Variants in CIPC observed in about 807,000 individuals in gnomAD.
The protein encoded by CIPC is CLOCK-interacting pacemaker.
Under a neutral mutation model 26.7 loss-of-function variants are expected in CIPC, and 12 were observed. The ratio of observed to expected loss-of-function variants is 0.45; its 90% CI spans 0.29 to 0.73. The LOEUF (loss-of-function observed/expected upper bound fraction) is 0.73. CIPC is among the 30% of genes least tolerant of loss of function. CIPC has a pLI of 0.12. For synonymous variants in CIPC, 170 were observed against 189.8 expected (o/e 0.90, Z 0.86); for missense variants, 417 against 486.5 (o/e 0.86, Z 1.34).
intron 3 of CIPC, among the ~76,000 whole-genome samples, chr14:77,111,990 G>A (rs1486864401): frequency 2.6e-5 from 4 of 152,098 alleles, no homozygotes; most frequent in Non-Finnish European, 5.9e-5. Flanking sequence ...AGTATATTCC[G>A]GAGTATATTT....
chr14:77,106,525 A>G (rs919568852), intron 2 of CIPC, among the ~76,000 whole-genome samples: 4 of 151,974 alleles, frequency 2.6e-5, no homozygotes, highest in Non-Finnish European at 5.9e-5. Context: ...TCCCGCTCTG[A>G]GGGTAGTGGC....
At position 77,116,723 on chromosome 14, in the gene CIPC, A is replaced by T. The variant is rs530655595; in HGVS notation, c.*2405A>T. On this transcript the variant is annotated 3_prime_UTR_variant, in exon 4 of 4. Transcript: ENST00000361786. ...TGTTCTCTGTTGGAGCTGTAAGCAG[A>T]TGAACCCAAGTAGAGAAGATAGATC... The T allele has an allele frequency of 1.3e-5, 2 of 152,376 alleles. No homozygotes were observed. Among genetic ancestry groups the T allele is most frequent in the South Asian group, 4.1e-4 (2 of 4,830 alleles). The allele number at this position is 152,376 out of a possible 1,614,324, so 9.4% of individuals were successfully genotyped here.
chr14:77,115,245 T>TG lies in CIPC; in HGVS notation c.*927_*928insG, dbSNP rs1886788946. ...AGTTAACTCTGCTGCCATCTTGTTTTTTTTTTTTTTCCTTTATTTTGATAA... is the reference window on the plus strand; with the variant it reads ...AGTTAACTCTGCTGCCATCTTGTTTTGTTTTTTTTTTCCTTTATTTTGATAA... On this transcript the variant is annotated 3_prime_UTR_variant, in exon 4 of 4. Transcript: ENST00000361786. 1 of 147,198 alleles carries TG rather than the reference T, an allele frequency of 6.8e-6. No homozygotes were observed. The highest frequency in any genetic ancestry group is 2.1e-4 in the South Asian group (1 of 4,788). 9.1% of individuals were successfully genotyped at this position (147,198 alleles called of 1,614,324 possible). A position where few individuals can be genotyped will look rare whatever the true frequency, so the allele number is the denominator to read the frequency against.
chr14:77,114,420 C>CT lies in CIPC; in HGVS notation c.*104dup. 7.8e-7 allele frequency: 1 copy of CT among 1,285,306 alleles called. No individual in the cohort carries two copies. Among genetic ancestry groups the CT allele is most frequent in the South Asian group, 1.5e-5 (1 of 68,570 alleles). 79.6% of individuals were successfully genotyped at this position (1,285,306 alleles called of 1,614,324 possible). On this transcript the variant is annotated 3_prime_UTR_variant, in exon 4 of 4. Coordinates refer to ENST00000361786, the MANE Select transcript of CIPC (RefSeq NM_033426.3). ...TTATGTAAGAGCTTTTCCTTCTAAA[C>CT]TTAAACTGTGTTGTGGTTCACTTAG...
At chr14:77,109,674 G>T in intron 2 of CIPC, 138 bp from the exon 3 acceptor site, 1 of 674,640 alleles carries the variant, frequency 1.5e-6, no homozygotes, top group Non-Finnish European at 2.4e-6. Flanking sequence ...AAAGCTAAAA[G>T]CCTCCTTCTC....
At chr14:77,105,517 A>G in intron 1 of CIPC, 140 bp from the exon 2 acceptor site, 1 of 515,676 alleles carries the variant, frequency 1.9e-6, no homozygotes, top group South Asian at 3.7e-5. Context: ...GTAAACTTGA[A>G]GCTTTTGTCA....
At chr14:77,108,348 T>A (rs909758566) in intron 2 of CIPC, among the ~76,000 whole-genome samples, 8 of 152,186 alleles carry the variant, frequency 5.3e-5, no homozygotes, top group Non-Finnish European at 8.8e-5. Flanking sequence ...TTTACCAGAG[T>A]TAGCATCCAT....
At chr14:77,112,349 T>C (rs1886721043) in intron 3 of CIPC, among the ~76,000 whole-genome samples, 1 of 152,176 alleles carries the variant, frequency 6.6e-6, no homozygotes, top group South Asian at 2.1e-4. Context: ...TAATGTATAA[T>C]TGAGGAGTAA....
intron 2 of CIPC, among the ~76,000 whole-genome samples, chr14:77,106,447 C>G (rs1382438893): frequency 6.6e-6 from 1 of 152,134 alleles, no homozygotes. Context: ...TTTCTTAAAC[C>G]TTACCCAAAA....
At chr14:77,109,244 T>C (rs1886647953) in intron 2 of CIPC, among the ~76,000 whole-genome samples, 2 of 152,258 alleles carry the variant, frequency 1.3e-5, no homozygotes, top group Admixed American at 1.3e-4. Flanking sequence ...CCAACATTTA[T>C]GGTTTTTTAA....
chr14:77,105,343 G>A (rs1391418910), intron 1 of CIPC, among the ~76,000 whole-genome samples: 1 of 151,962 alleles, frequency 6.6e-6, no homozygotes, highest in African/African-American at 2.4e-5. Context: ...CCCCTCTGGT[G>A]AGTTCATTTC....
At position 77,114,978 on chromosome 14, in the gene CIPC, A is replaced by C. The variant is rs1458818682; in HGVS notation, c.*660A>C. 1 of 152,268 alleles carries C rather than the reference A, an allele frequency of 6.6e-6. No homozygotes were observed. The highest frequency in any genetic ancestry group is 1.5e-5 in the Non-Finnish European group (1 of 68,054). 9.4% of individuals were successfully genotyped at this position (152,268 alleles called of 1,614,324 possible). A position where few individuals can be genotyped will look rare whatever the true frequency, so the allele number is the denominator to read the frequency against. On this transcript the variant is annotated 3_prime_UTR_variant, in exon 4 of 4. Coordinates refer to ENST00000361786, the MANE Select transcript of CIPC (RefSeq NM_033426.3). ...TCAGATTTTTCTTAAACTAGCAGGC[A>C]AAAACAGTACTTCCAAATTTTAAGG...
chr14:77,105,911 A>G (rs1886582858), intron 2 of CIPC, 67 bp downstream of exon 2: 1 of 1,580,464 alleles, frequency 6.3e-7, no homozygotes, highest in Admixed American at 1.7e-5. Context: ...TTCCTCCCCA[A>G]AACTCATTTA....
rs1367188044 is a variant in CIPC at position 77,115,449 on chromosome 14, T to G, written c.*1131T>G. The G allele has an allele frequency of 6.6e-6, 1 of 152,192 alleles. No homozygotes were observed. Among genetic ancestry groups the G allele is most frequent in the Non-Finnish European group, 1.5e-5 (1 of 68,026 alleles). The allele number at this position is 152,192 out of a possible 1,614,324, so 9.4% of individuals were successfully genotyped here. ...GCGTCTTCTGTGTTTCCTTCATGTG[T>G]TAGATATTGGCAACAAAGCCAGAGG... On this transcript the variant is annotated 3_prime_UTR_variant, in exon 4 of 4. Coordinates refer to ENST00000361786, the MANE Select transcript of CIPC (RefSeq NM_033426.3).
rs1027035011 is a variant in CIPC, at chr14:77,116,417, T to C, written c.*2099T>C. ...TATAGAGACAGGTGCATTCAGAACATCCTGGGCACCAGTCATGAGTCTTAC... is the reference window on the plus strand; with the variant it reads ...TATAGAGACAGGTGCATTCAGAACACCCTGGGCACCAGTCATGAGTCTTAC... On this transcript the variant is annotated 3_prime_UTR_variant, in exon 4 of 4. Transcript: ENST00000361786. 2.0e-5 allele frequency: 3 copies of C among 152,216 alleles called. No homozygotes were observed. Among genetic ancestry groups the C allele is most frequent in the Admixed American group, 2.0e-4 (3 of 15,288 alleles). The allele number at this position is 152,216 out of a possible 1,614,324, so 9.4% of individuals were successfully genotyped here.
intron 2 of CIPC, among the ~76,000 whole-genome samples, chr14:77,106,854 T>A (rs941455164): frequency 1.3e-5 from 2 of 152,144 alleles, no homozygotes; most frequent in Non-Finnish European, 2.9e-5. Context: ...TTAAAAGGAA[T>A]TAGTTGCCCT....
chr14:77,104,660 C>T (rs1234716135), intron 1 of CIPC, among the ~76,000 whole-genome samples: 2 of 152,220 alleles, frequency 1.3e-5, no homozygotes, highest in African/African-American at 2.4e-5. Context: ...ACATGCCTTT[C>T]GCCTAACTCC....
rs753507498 is a variant in CIPC, at chr14:77,114,100, G to C, written c.982G>C (p.Gly328Arg). Residue 328 changes from glycine (G) to arginine (R), a missense_variant, in exon 4 of 4, where the codon GGT (glycine) becomes CGT (arginine). Transcript: ENST00000361786. ...QNTLVVLHKSGLLEITLKTKE... is the reference protein window; with the variant it reads ...QNTLVVLHKSRLLEITLKTKE... The stretch of plus-strand genomic sequence containing the variant: ...TACCCTAGTAGTCCTACATAAATCT[G>C]GTTTGCTGGAGATCACTTTGAAAAC... 6.2e-7 allele frequency: 1 copy of C among 1,614,092 alleles called. No homozygotes were observed. Among genetic ancestry groups the C allele is most frequent in the Non-Finnish European group, 8.5e-7 (1 of 1,180,034 alleles).
chr14:77,105,069 G>GT (rs1365655991), intron 1 of CIPC, among the ~76,000 whole-genome samples: 1 of 152,142 alleles, frequency 6.6e-6, no homozygotes, highest in African/African-American at 2.4e-5. Flanking sequence ...CCATAAAAGT[G>GT]TTTTTTAAGC....
Sources: allele counts gnomAD v4.1 joint callset (sites outside exome capture counted in the v4.1 genomes callset), GRCh38; gene constraint gnomAD v4.1.1; transcripts MANE v1.5; gene names NCBI Gene and HGNC (gene_info 2026-07-23, HGNC 2026-07-21).